PPP1R16A: variants seen among roughly 807,000 people sequenced by gnomAD.
The protein encoded by PPP1R16A is myosin phosphatase-targeting subunit 3.
Under a neutral mutation model 46.6 loss-of-function variants are expected in PPP1R16A, and 39 were observed. The observed-to-expected ratio is 0.84, with a 90% CI of 0.65 to 1.09. PPP1R16A has a LOEUF of 1.09. Among genes scored for constraint, PPP1R16A ranks in the 50% least tolerant of loss-of-function variants. The probability of loss-of-function intolerance (pLI) is 0.00; values close to 1 mark genes in which losing one functional copy is unlikely to be tolerated. For synonymous variants in PPP1R16A, 413 were observed against 321.5 expected (o/e 1.28, Z -3.04); for missense variants, 798 against 735.6 (o/e 1.08, Z -0.98).
rs749880192 is a variant in PPP1R16A at position 144,502,078 on chromosome 8, A to G, written c.*175A>G. On this transcript the variant is annotated 3_prime_UTR_variant, in exon 12 of 12. Transcript: ENST00000435887. ...GGAGGGATGTCTGGCTGCAAAGACT[A>G]TTTTTATCCTGCAACTCTTGATAAA... 2 of 602,880 alleles carry G rather than the reference A, an allele frequency of 3.3e-6. No individual in the cohort carries two copies. The highest frequency in any genetic ancestry group is 3.0e-5 in the East Asian group (1 of 33,706). 37.3% of individuals were successfully genotyped at this position (602,880 alleles called of 1,614,324 possible).
chr8:144,485,798 C>T (rs1446635339), intron 1 of PPP1R16A, among the ~76,000 whole-genome samples: 2 of 152,228 alleles, frequency 1.3e-5, no homozygotes, highest in Non-Finnish European at 2.9e-5. Context: ...AGCACAGCCA[C>T]CATAGGGACC....
At chr8:144,491,484 C>T in intron 2 of PPP1R16A, among the ~76,000 whole-genome samples, 1 of 151,822 alleles carries the variant, frequency 6.6e-6, no homozygotes, top group East Asian at 1.9e-4. Flanking sequence ...TGGGTGTAGG[C>T]CGGGCATGCT....
chr8:144,485,212 CA>C (rs749667274), intron 1 of PPP1R16A, among the ~76,000 whole-genome samples: 19 of 61,526 alleles, frequency 3.1e-4, no homozygotes, highest in African/African-American at 1.5e-3. Flanking sequence ...AATAGAATCT[CA>C]AAAAAAAAAA....
At chr8:144,499,586 T>C (rs1018401089) in intron 5 of PPP1R16A, 25 of 186,760 alleles carry the variant, frequency 1.3e-4, no homozygotes, top group Non-Finnish European at 2.2e-5. Flanking sequence ...CCGGGTGGGG[T>C]GTGCATGGCG....
intron 1 of PPP1R16A, among the ~76,000 whole-genome samples, chr8:144,484,606 C>T (rs768223863): frequency 3.9e-5 from 6 of 152,182 alleles, no homozygotes; most frequent in Admixed American, 3.3e-4. Flanking sequence ...TTAGTTTATT[C>T]GATTTATTTT....
At chr8:144,478,539 C>T (rs185568539) in intron 1 of PPP1R16A, 19 of 170,798 alleles carry the variant, frequency 1.1e-4, no homozygotes, top group Non-Finnish European at 2.4e-4. Context: ...GGATTCTCCG[C>T]AGCCCGTCGG....
At chr8:144,480,076 G>A (rs1010590030) in intron 1 of PPP1R16A, among the ~76,000 whole-genome samples, 2 of 152,228 alleles carry the variant, frequency 1.3e-5, no homozygotes, top group African/African-American at 4.8e-5. Flanking sequence ...AGAATGACAA[G>A]GTAACCACAG....
At chr8:144,492,909 C>T (rs568813526) in intron 2 of PPP1R16A, among the ~76,000 whole-genome samples, 14 of 152,212 alleles carry the variant, frequency 9.2e-5, no homozygotes, top group African/African-American at 2.9e-4. Flanking sequence ...TGTGGGCTCT[C>T]GTCGCACCAT....
intron 2 of PPP1R16A, among the ~76,000 whole-genome samples, chr8:144,492,810 C>T (rs1449449653): frequency 6.6e-6 from 1 of 152,182 alleles, no homozygotes; most frequent in Non-Finnish European, 1.5e-5. Flanking sequence ...CTGCCCCTTT[C>T]CTCTCTTTTC....
chr8:144,492,540 T>C (rs969248738), intron 2 of PPP1R16A, among the ~76,000 whole-genome samples: 16 of 152,090 alleles, frequency 1.1e-4, no homozygotes, highest in African/African-American at 3.9e-4. Flanking sequence ...TTTTACCTTG[T>C]TAGCAAGGAT....
intron 2 of PPP1R16A, among the ~76,000 whole-genome samples, chr8:144,492,838 C>T (rs1190796942): frequency 6.6e-6 from 1 of 152,168 alleles, no homozygotes; most frequent in Non-Finnish European, 1.5e-5. Flanking sequence ...GAATGGCATG[C>T]GGCCTCTACC....
intron 11 of PPP1R16A, 61 bp downstream of exon 11, chr8:144,501,355 C>T (rs1373114932): frequency 1.3e-6 from 2 of 1,516,546 alleles, no homozygotes; most frequent in Non-Finnish European, 1.8e-6. Context: ...CCCTGGTTCT[C>T]TCTCCGCTTG....
At position 144,501,940 on chromosome 8, in the gene PPP1R16A, A is replaced by G. The variant is rs1207555694; in HGVS notation, c.*37A>G. The G allele has an allele frequency of 8.1e-6, 12 of 1,481,748 alleles. No homozygotes were observed. Among genetic ancestry groups the G allele is most frequent in the African/African-American group, 1.4e-5 (1 of 71,794 alleles). The allele number at this position is 1,481,748 out of a possible 1,614,324, so 91.8% of individuals were successfully genotyped here. ...AGCATGCAGGGGCCCTGTCGCGGGC[A>G]CAGCCCAAGGCTGCCTCCCCACGGT... On this transcript the variant is annotated 3_prime_UTR_variant, in exon 12 of 12. Coordinates refer to ENST00000435887, the MANE Select transcript of PPP1R16A (RefSeq NM_001329443.2).
intron 1 of PPP1R16A, among the ~76,000 whole-genome samples, chr8:144,484,607 G>A (rs7014426): frequency 0.52 from 79,172 of 152,112 alleles, 21,019 homozygotes; most frequent in Middle Eastern, 0.62. Flanking sequence ...TAGTTTATTC[G>A]ATTTATTTTG....
rs117658767 is a variant in PPP1R16A at position 144,486,681 on chromosome 8, C to T, written c.-913-3353C>T. 3.4e-3 allele frequency among the ~76,000 whole-genome samples: 520 copies of T among 152,306 alleles called. 1 individual carries two copies. The highest frequency in any genetic ancestry group is 6.2e-3 in the African/African-American group (259 of 41,564). ...TCAGTGAGGTGTGTCTTTGCATCCT[C>T]TGCCCATTTTCTAATTGGATCGTTT... is the stretch of plus-strand genomic sequence containing the variant. On this transcript the variant is annotated intron_variant, in intron 1 of 11. Coordinates refer to ENST00000435887, the MANE Select transcript of PPP1R16A (RefSeq NM_001329443.2).
rs532809924 is a variant in PPP1R16A, at chr8:144,493,139, G to C, written c.-735+2927G>C. On this transcript the variant is annotated intron_variant, in intron 2 of 11. Coordinates refer to ENST00000435887, the MANE Select transcript of PPP1R16A (RefSeq NM_001329443.2). The surrounding 1 kb of genome is among the most constrained non-coding windows in gnomAD (Gnocchi z 4.3). ...CCTTCCTGAATCCACATGGCCCAGC[G>C]GTATGTAGGCAGTGAGGGGACGGTG... Among the ~76,000 whole-genome samples the C allele has an allele frequency of 6.6e-6, 1 of 152,098 alleles. No homozygotes were observed. The highest frequency in any genetic ancestry group is 6.5e-5 in the Admixed American group (1 of 15,278).
Position 144,498,923 on chromosome 8 carries a change from T to C in PPP1R16A, c.338T>C (p.Ile113Thr), listed in dbSNP as rs889453769. The C allele has an allele frequency of 2.5e-6, 4 of 1,612,938 alleles. No individual in the cohort carries two copies. The highest frequency in any genetic ancestry group is 2.2e-5 in the South Asian group (2 of 91,090). ...ACGTGGCACGGTTTGCAGTGCTGCA[T>C]TGATGATTTCCGAGAGATGGTGCAG... Reference protein sequence around the residue: ...DGLTALHQCCIDDFREMVQQL... With the variant: ...DGLTALHQCCTDDFREMVQQL... The change falls in exon 5 of 12, where the codon ATT becomes ACT. Residue 113 changes from isoleucine to threonine, a missense_variant. Physicochemically the swap from Ile to Thr is moderately conservative, Grantham distance 89. Coordinates refer to ENST00000435887, the MANE Select transcript of PPP1R16A (RefSeq NM_001329443.2).
intron 1 of PPP1R16A, among the ~76,000 whole-genome samples, chr8:144,487,256 A>G (rs1026696201): frequency 6.6e-6 from 1 of 152,160 alleles, no homozygotes; most frequent in African/African-American, 2.4e-5. Context: ...CTGGGATTAC[A>G]GGCGTAAGTC....
At chr8:144,494,859 C>T (rs1203951987) in intron 2 of PPP1R16A, among the ~76,000 whole-genome samples, 4 of 152,178 alleles carry the variant, frequency 2.6e-5, no homozygotes, top group Non-Finnish European at 5.9e-5. Flanking sequence ...TGTGGTCTGC[C>T]TCCTCTGTCC....
Sources: allele counts gnomAD v4.1 joint callset (sites outside exome capture counted in the v4.1 genomes callset), GRCh38; gene constraint gnomAD v4.1.1; non-coding constraint Gnocchi (gnomAD v3.1); transcripts MANE v1.5; gene names NCBI Gene and HGNC (gene_info 2026-07-23, HGNC 2026-07-21).